Variants in GLRA1 observed in about 807,000 individuals in gnomAD.
GLRA1 encodes glycine receptor alpha 1, also known as glycine receptor subunit alpha-1.
Under a neutral mutation model 48.3 loss-of-function variants are expected in GLRA1, and 37 were observed. The observed-to-expected ratio is 0.77, with a 90% CI of 0.59 to 1.01. GLRA1 has a LOEUF of 1.01. Ranked by LOEUF, GLRA1 falls within the 50% of genes least tolerant of loss-of-function variation. GLRA1 has a pLI of 0.00. For missense variants in GLRA1, 427 were observed against 571.0 expected, an observed-to-expected ratio of 0.75 and a Z score of 2.57; for synonymous variants, 196 against 210.7, an observed-to-expected ratio of 0.93 and a Z score of 0.60.
At chr5:151,871,624 G>C (rs899876437) in intron 3 of GLRA1, among the ~76,000 whole-genome samples, 1 of 147,134 alleles carries the variant, frequency 6.8e-6, no homozygotes, top group African/African-American at 2.7e-5. Flanking sequence ...GCAGTGGCAC[G>C]ATCTCGGCTC....
intron 3 of GLRA1, among the ~76,000 whole-genome samples, chr5:151,884,075 C>T (rs941985621): frequency 6.6e-6 from 1 of 152,064 alleles, no homozygotes; most frequent in Non-Finnish European, 1.5e-5. Context: ...CAAGAGTCTC[C>T]ATCATCATCA....
intron 3 of GLRA1, among the ~76,000 whole-genome samples, chr5:151,866,101 T>A (rs1178362378): frequency 1.3e-5 from 2 of 152,186 alleles, no homozygotes; most frequent in Non-Finnish European, 2.9e-5. Flanking sequence ...AGAGCTGGCT[T>A]CTAGGTCTCA....
chr5:151,850,037 T>C, intron 7 of GLRA1: 1 of 1,603,774 alleles, frequency 6.2e-7, no homozygotes, highest in East Asian at 2.2e-5. Context: ...AAGTGGATAA[T>C]GGACATGGTG....
chr5:151,850,340 T>C, intron 7 of GLRA1: 2 of 1,499,284 alleles, frequency 1.3e-6, no homozygotes, highest in Non-Finnish European at 1.9e-6. Context: ...GGGTGGGCTG[T>C]TTCATTTTGC....
At chr5:151,919,054 T>C (rs1754809185) in intron 1 of GLRA1, among the ~76,000 whole-genome samples, 1 of 152,234 alleles carries the variant, frequency 6.6e-6, no homozygotes, top group Non-Finnish European at 1.5e-5. Context: ...TCAAAGGCTC[T>C]AACAAATTGC....
chr5:151,833,122 C>A (rs10063337), intron 7 of GLRA1, among the ~76,000 whole-genome samples: 3,065 of 152,252 alleles, frequency 0.02, 98 homozygotes, highest in African/African-American at 0.071. Flanking sequence ...CTCCACCAGG[C>A]CTGTCTCACA....
intron 7 of GLRA1, chr5:151,850,042 A>T (rs2113340736): frequency 1.2e-6 from 2 of 1,603,884 alleles, no homozygotes; most frequent in Non-Finnish European, 1.7e-6. Flanking sequence ...GATAATGGAC[A>T]TGGTGAGCAA....
At chr5:151,884,748 T>TC (rs397801248) in intron 3 of GLRA1, among the ~76,000 whole-genome samples, 1 of 151,706 alleles carries the variant, frequency 6.6e-6, no homozygotes, top group Non-Finnish European at 1.5e-5. Context: ...ACCAGTTCCT[T>TC]ACAGAACCAG....
At chr5:151,827,863 T>C (rs1763317129) in intron 8 of GLRA1, among the ~76,000 whole-genome samples, 4 of 152,154 alleles carry the variant, frequency 2.6e-5, no homozygotes. Context: ...GCTTCTTCTT[T>C]ATTGCTTTTA....
chr5:151,827,075 G>A (rs1763292783), intron 8 of GLRA1, among the ~76,000 whole-genome samples: 1 of 128,518 alleles, frequency 7.8e-6, no homozygotes, highest in South Asian at 2.7e-4. Context: ...TGCCCACATT[G>A]GTCTGGAACT....
At chr5:151,861,945 G>A (rs1251050920) in intron 3 of GLRA1, among the ~76,000 whole-genome samples, 1 of 152,168 alleles carries the variant, frequency 6.6e-6, no homozygotes, top group Admixed American at 6.5e-5. Flanking sequence ...ATGTTCATAT[G>A]GAACCAAAGA....
chr5:151,846,370 G>A (rs1229839630), intron 7 of GLRA1, among the ~76,000 whole-genome samples: 1 of 152,194 alleles, frequency 6.6e-6, no homozygotes, highest in Non-Finnish European at 1.5e-5. Flanking sequence ...AATAGTGAGT[G>A]GAGCAGAATG....
intron 6 of GLRA1, among the ~76,000 whole-genome samples, chr5:151,852,501 CTG>C (rs1193879017): frequency 1.3e-5 from 2 of 152,232 alleles, no homozygotes; most frequent in African/African-American, 4.8e-5. Flanking sequence ...TGCTCCCTGT[CTG>C]TGTATCCCTG....
At chr5:151,825,946 C>T (rs1185413783) in intron 8 of GLRA1, among the ~76,000 whole-genome samples, 3 of 152,186 alleles carry the variant, frequency 2.0e-5, no homozygotes, top group Admixed American at 6.5e-5. Context: ...TCCAGAGCGG[C>T]TTACTCTAAG....
chr5:151,836,805 G>A (rs537450999), intron 7 of GLRA1, among the ~76,000 whole-genome samples: 2 of 152,118 alleles, frequency 1.3e-5, no homozygotes, highest in East Asian at 3.9e-4. Context: ...GATGGATTGA[G>A]GACTTAAATG....
intron 1 of GLRA1, among the ~76,000 whole-genome samples, chr5:151,893,523 C>T (rs953878973): frequency 1.3e-5 from 2 of 151,884 alleles, no homozygotes; most frequent in African/African-American, 2.4e-5. Flanking sequence ...CCCCACTACC[C>T]GACAGGCCCT....
At position 151,876,900 on chromosome 5, in the gene GLRA1, G is replaced by A. The variant is rs184331987; in HGVS notation, c.252+9821C>T. Among the ~76,000 whole-genome samples the A allele has an allele frequency of 1.2e-4, 18 of 152,278 alleles. No homozygotes were observed. In the East Asian group the frequency reaches 3.5e-3, roughly 29 times the overall value. The stretch of plus-strand genomic sequence containing the variant: ...GTGGGGCCCTAATTCAGTAGGATTT[G>A]TGTCCTAATAAGGAGAGAAAGAGGT... On this transcript the variant is annotated intron_variant, in intron 3 of 8. Coordinates refer to ENST00000274576, the MANE Select transcript of GLRA1 (RefSeq NM_000171.4).
chr5:151,864,273 T>C (rs1753277908), intron 3 of GLRA1, among the ~76,000 whole-genome samples: 1 of 152,196 alleles, frequency 6.6e-6, no homozygotes, highest in Non-Finnish European at 1.5e-5. Context: ...GCCAGTGACA[T>C]GTCAAGTCCG....
At chr5:151,848,897 G>T in intron 7 of GLRA1, 1 of 666,516 alleles carries the variant, frequency 1.5e-6, no homozygotes, top group South Asian at 1.4e-5. Context: ...GACCGCCTCA[G>T]CACATTCCCA....
Sources: allele counts gnomAD v4.1 joint callset (sites outside exome capture counted in the v4.1 genomes callset), GRCh38; gene constraint gnomAD v4.1.1; transcripts MANE v1.5; gene names NCBI Gene and HGNC (gene_info 2026-07-23, HGNC 2026-07-21).